The following MUC12 variants were observed in gnomAD, a reference collection of about 807,000 sequenced individuals.
MUC12 encodes the protein mucin 12, cell surface associated, also known as mucin-12.
In MUC12, 172 loss-of-function variants were observed where a neutral mutation model predicts 230.8. That is an observed-to-expected ratio of 0.75 (90% CI 0.66 to 0.85). The LOEUF is 0.85. MUC12 is among the 40% of genes least tolerant of loss of function. The pLI, the probability that MUC12 is intolerant of heterozygous loss-of-function variation, is 0.00. For synonymous variants in MUC12, 1,259 were observed against 2,401.9 expected (o/e 0.52, Z 13.91); for missense variants, 3,506 against 5,920.6 (o/e 0.59, Z 13.38).
intron 1 of MUC12, among the ~76,000 whole-genome samples, chr7:100,989,413 A>G (rs1003227525): frequency 2.0e-5 from 3 of 151,830 alleles, no homozygotes; most frequent in African/African-American, 7.3e-5. Context: ...GGCCTTGGGT[A>G]TGTTTTTATC....
intron 5 of MUC12, among the ~76,000 whole-genome samples, chr7:101,011,155 G>A (rs939749698): frequency 6.6e-6 from 1 of 152,166 alleles, no homozygotes; most frequent in African/African-American, 2.4e-5. Context: ...GGCAGATAGA[G>A]GGGTGGGAAG....
In MUC12 at chr7:100,995,205, T is replaced by A; in HGVS notation, c.4642T>A (p.Ser1548Thr). ...STTTAGLSEK[S>T]TTFYSSPRSP... The stretch of plus-strand genomic sequence containing the variant: ...CACAACAGCAGGCCTGAGTGAGAAA[T>A]CTACCACCTTCTACAGTAGCCCCAG... Residue 1548 changes from serine (S) to threonine (T), a missense_variant, in exon 2 of 12, where the codon TCT becomes ACT. Coordinates refer to ENST00000536621, the MANE Select transcript of MUC12 (RefSeq NM_001164462.2). 6.6e-6 allele frequency: 9 copies of A among 1,361,032 alleles called. No homozygotes were observed. Among genetic ancestry groups the A allele is most frequent in the Non-Finnish European group, 8.9e-6 (9 of 1,016,164 alleles). The allele number at this position is 1,361,032 out of a possible 1,614,324, so 84.3% of individuals were successfully genotyped here. A position where few individuals can be genotyped will look rare whatever the true frequency, so the allele number is the denominator to read the frequency against.
In MUC12 at chr7:100,990,987, A is replaced by C. The variant is rs1182935803; in HGVS notation, c.424A>C (p.Ser142Arg). 1 of 1,537,918 alleles carries C rather than the reference A, an allele frequency of 6.5e-7. No individual in the cohort carries two copies. Residue 142 changes from serine to arginine, a missense_variant, in exon 2 of 12, where the codon AGT (serine) becomes CGT (arginine). Coordinates refer to ENST00000536621, the MANE Select transcript of MUC12 (RefSeq NM_001164462.2). ...GAGTGAGAAATCTACCACCTTCTAC[A>C]GTAGCCCCAGATCACCAGACAGAAC... The part of the protein sequence containing the change: ...GLSEKSTTFY[S>R]SPRSPDRTLS...
In MUC12 at chr7:101,009,204, C is replaced by T. The variant is rs552402477; in HGVS notation, c.15251+45C>T. ...GGTTTATAGATGTGGGGAAATCCTC[C>T]TTGTCCCTGCTTTCCTGCCTCCTCC... is the stretch of plus-strand genomic sequence containing the variant. On this transcript the variant is annotated intron_variant, in intron 5 of 11. Transcript: ENST00000536621. 1.1e-5 allele frequency: 17 copies of T among 1,510,110 alleles called. No homozygotes were observed. In the East Asian group the frequency reaches 3.2e-4, roughly 28 times the overall value. The allele number at this position is 1,510,110 out of a possible 1,614,324, so 93.5% of individuals were successfully genotyped here. A position where few individuals can be genotyped will look rare whatever the true frequency, so the allele number is the denominator to read the frequency against.
In MUC12 at chr7:100,977,430, G is replaced by A. The variant is rs545270526; in HGVS notation, c.67+7741G>A. ...TGCCCAGGCTGGAGTACAGTGGTGCGATCTCGCCTCACTGCAACCTCTGCC... is the reference window on the plus strand; with the variant it reads ...TGCCCAGGCTGGAGTACAGTGGTGCAATCTCGCCTCACTGCAACCTCTGCC... On this transcript the variant is annotated intron_variant, in intron 1 of 11. Coordinates refer to ENST00000536621, the MANE Select transcript of MUC12 (RefSeq NM_001164462.2). 5.4e-4 allele frequency among the ~76,000 whole-genome samples: 82 copies of A among 150,948 alleles called. 3 individuals are homozygous for A. Among genetic ancestry groups the A allele is most frequent in the Admixed American group, 5.0e-3 (75 of 15,118 alleles).
intron 1 of MUC12, 79 bp downstream of exon 1, chr7:100,969,768 G>A: frequency 1.3e-6 from 2 of 1,527,490 alleles, no homozygotes; most frequent in Non-Finnish European, 1.8e-6. Flanking sequence ...AGGCAGCAGG[G>A]CTGCAGGTGG....
chr7:101,016,888 C>G (rs899635030), intron 10 of MUC12: 7 of 152,462 alleles, frequency 4.6e-5, no homozygotes, highest in Admixed American at 3.9e-4. Flanking sequence ...CTGCAAGGCT[C>G]GTGCCTGTCT....
At chr7:100,973,039 G>T (rs200695576) in intron 1 of MUC12, 7 of 639,120 alleles carry the variant, frequency 1.1e-5, no homozygotes, top group Non-Finnish European at 2.0e-5. Flanking sequence ...GAGTGTGGTG[G>T]TGCTGGTGCA....
In MUC12 at chr7:100,991,083, C is replaced by G; in HGVS notation, c.520C>G (p.Pro174Ala). ...KSTTSHSRPG[P>A]THTIAFPDST... ...AACCACCTCCCACAGCCGACCAGGC[C>G]CAACGCACACAATAGCGTTCCCTGA... The change falls in exon 2 of 12, where the codon CCA becomes GCA. Residue 174 changes from proline to alanine, a missense_variant. Transcript: ENST00000536621. 1 of 1,537,460 alleles carries G rather than the reference C, an allele frequency of 6.5e-7. No homozygotes were observed. The highest frequency in any genetic ancestry group is 1.7e-4 in the Middle Eastern group (1 of 5,996).
intron 4 of MUC12, 40 bp from the exon 5 acceptor site, chr7:101,009,055 C>T (rs909406238): frequency 5.2e-6 from 8 of 1,532,300 alleles, no homozygotes; most frequent in Non-Finnish European, 7.0e-6. Flanking sequence ...AGTCTTCATG[C>T]TCTAGCTTTG....
At position 100,970,773 on chromosome 7, in the gene MUC12, G is replaced by A. The variant is rs145198833; in HGVS notation, c.67+1084G>A. 7.3e-3 allele frequency among the ~76,000 whole-genome samples: 1,112 copies of A among 151,944 alleles called. 15 individuals are homozygous for A. Among genetic ancestry groups the A allele is most frequent in the African/African-American group, 0.024 (1,013 of 41,436 alleles). ...AGCACTTTGGGAGGCCGAGGTGGGC[G>A]GATCACGAGGTCAGGAGATCGAGAC... On this transcript the variant is annotated intron_variant, in intron 1 of 11. Coordinates refer to ENST00000536621, the MANE Select transcript of MUC12 (RefSeq NM_001164462.2).
At chr7:100,987,010 G>A (rs947353164) in intron 1 of MUC12, among the ~76,000 whole-genome samples, 3 of 150,690 alleles carry the variant, frequency 2.0e-5, no homozygotes, top group Admixed American at 1.3e-4. Flanking sequence ...CATGTTCTAA[G>A]TGGCACAGAG....
At chr7:101,015,303 C>A (rs1584848655) in intron 9 of MUC12, 1 of 347,456 alleles carries the variant, frequency 2.9e-6, no homozygotes, top group East Asian at 5.8e-5. Context: ...GTGAAGGTTG[C>A]TGGGAAACCC....
rs765257452 is a variant in MUC12 at position 100,995,350 on chromosome 7, C to T, written c.4787C>T (p.Thr1596Ile). Residue 1596 changes from threonine (T) to isoleucine (I), a missense_variant, in exon 2 of 12, where the codon ACC becomes ATC. By Grantham distance (89) the Thr-to-Ile change is moderately conservative. Coordinates refer to ENST00000536621, the MANE Select transcript of MUC12 (RefSeq NM_001164462.2). ...ACAACAGCATTCCCTGGCAGTACCA[C>T]CATGCCAGGCGTCAGTCAGGAATCT... ...THTTAFPGST[T>I]MPGVSQESTA... 4.8e-4 allele frequency: 736 copies of T among 1,534,304 alleles called. 1 individual carries two copies. The highest frequency in any genetic ancestry group is 2.4e-3 in the Middle Eastern group (14 of 5,842).
chr7:100,979,440 A>G (rs1186095303), intron 1 of MUC12, among the ~76,000 whole-genome samples: 2 of 151,940 alleles, frequency 1.3e-5, no homozygotes, highest in Admixed American at 6.6e-5. Flanking sequence ...AATAAAATAA[A>G]ATAAAACAGA....
Position 101,004,486 on chromosome 7 carries a change from A to G in MUC12, c.13923A>G (p.Ile4641Met), listed in dbSNP as rs1793695529. ...RTSHSSTTHT[I>M]SSPPSTTSAL... The stretch of plus-strand genomic sequence containing the variant: ...CCCACAGCAGCACAACACACACAAT[A>G]TCTTCACCTCCTAGCACCACATCTG... Residue 4641 changes from isoleucine (I) to methionine (M), a missense_variant, in exon 2 of 12, where the codon ATA (isoleucine) becomes ATG (methionine). Coordinates refer to ENST00000536621, the MANE Select transcript of MUC12 (RefSeq NM_001164462.2). 3.3e-6 allele frequency: 5 copies of G among 1,528,900 alleles called. No individual in the cohort carries two copies. In the African/African-American group the frequency reaches 5.7e-5, roughly 18 times the overall value. The allele number at this position is 1,528,900 out of a possible 1,614,324, so 94.7% of individuals were successfully genotyped here. A position where few individuals can be genotyped will look rare whatever the true frequency, so the allele number is the denominator to read the frequency against.
At chr7:100,971,157 A>G (rs1792877167) in intron 1 of MUC12, among the ~76,000 whole-genome samples, 2 of 21,704 alleles carry the variant, frequency 9.2e-5, no homozygotes, top group African/African-American at 1.7e-4. Flanking sequence ...TCTCTCAAAA[A>G]AAAACAAACA....
chr7:101,006,630 G>C (rs1436787566), intron 3 of MUC12, 58 bp downstream of exon 3: 2 of 1,196,542 alleles, frequency 1.7e-6, no homozygotes, highest in Non-Finnish European at 2.4e-6. Context: ...CCTGAAAACA[G>C]CATGGCAGTG....
In MUC12 at chr7:100,995,729, A is replaced by T; in HGVS notation, c.5166A>T (p.Ser1722=). 2 of 1,535,512 alleles carry T rather than the reference A, an allele frequency of 1.3e-6. No homozygotes were observed. Among genetic ancestry groups the T allele is most frequent in the Non-Finnish European group, 1.7e-6 (2 of 1,146,428 alleles). Residue 1722 remains serine, a synonymous_variant, in exon 2 of 12, where the codon TCA becomes TCT. Coordinates refer to ENST00000536621, the MANE Select transcript of MUC12 (RefSeq NM_001164462.2). ...LSTTSHGSPS[S]TPTTHFSASS... is the part of the protein sequence containing the mutation. ...CAACCTCCCACGGCAGCCCGAGCTC[A>T]ACTCCAACAACCCACTTTTCTGCCA...
Sources: allele counts gnomAD v4.1 joint callset (sites outside exome capture counted in the v4.1 genomes callset), GRCh38; gene constraint gnomAD v4.1.1; transcripts MANE v1.5; gene names NCBI Gene and HGNC (gene_info 2026-07-23, HGNC 2026-07-21).